Variants in DPH6 observed in about 807,000 individuals in gnomAD.
DPH6 encodes diphthamine biosynthesis 6.
A neutral mutation model predicts 38.2 loss-of-function variants in DPH6; 33 were observed. The observed-to-expected ratio is 0.86, with a 90% CI of 0.65 to 1.15. DPH6 has a LOEUF of 1.15. Among genes scored for constraint, DPH6 ranks in the 50% most tolerant of loss-of-function variants. DPH6 has a pLI of 0.00. For missense variants in DPH6, 325 were observed against 320.0 expected, an observed-to-expected ratio of 1.02 and a Z score of -0.12; for synonymous variants, 108 against 103.0, an observed-to-expected ratio of 1.05 and a Z score of -0.30.
chr15:35,162,916 C>T, the DPH6 span, among the ~76,000 whole-genome samples: 4 of 151,934 alleles, frequency 2.6e-5, no homozygotes, highest in Admixed American at 2.6e-4. Context: ...TGAGGGAACC[C>T]CATAAGCAAA....
intron 6 of DPH6, among the ~76,000 whole-genome samples, chr15:35,406,701 G>C (rs1201482644): frequency 6.6e-6 from 1 of 151,918 alleles, no homozygotes; most frequent in Admixed American, 6.6e-5. Flanking sequence ...CAGACAATGG[G>C]GCCAGCCCTT....
intron 3 of DPH6, among the ~76,000 whole-genome samples, chr15:35,351,332 T>A (rs1395699895): frequency 6.6e-6 from 1 of 152,176 alleles, no homozygotes; most frequent in Admixed American, 6.6e-5. Context: ...TATAGTTGGA[T>A]TGTGTTGTTT....
At chr15:35,361,785 C>G (rs991480214) in intron 3 of DPH6, among the ~76,000 whole-genome samples, 5 of 151,598 alleles carry the variant, frequency 3.3e-5, no homozygotes, top group African/African-American at 1.2e-4. Context: ...CCTTTTCATA[C>G]TTTCTATTCC....
the DPH6 span, among the ~76,000 whole-genome samples, chr15:35,153,101 G>A: frequency 1.3e-5 from 2 of 152,232 alleles, no homozygotes; most frequent in African/African-American, 4.8e-5. Context: ...TGAAAATTAT[G>A]TAAAATTAAA....
intron 3 of DPH6, among the ~76,000 whole-genome samples, chr15:35,493,370 T>C (rs1411937878): frequency 6.6e-6 from 1 of 152,172 alleles, no homozygotes; most frequent in African/African-American, 2.4e-5. Context: ...CCTTTACATA[T>C]GCTTGTAATG....
intron 3 of DPH6, among the ~76,000 whole-genome samples, chr15:35,335,697 T>C (rs1349995325): frequency 1.3e-5 from 2 of 152,160 alleles, no homozygotes; most frequent in East Asian, 1.9e-4. Flanking sequence ...TGATTGTATG[T>C]GTGCAGACTT....
intron 3 of DPH6, among the ~76,000 whole-genome samples, chr15:35,505,679 C>G (rs1260350999): frequency 6.6e-6 from 1 of 151,924 alleles, no homozygotes; most frequent in Non-Finnish European, 1.5e-5. Context: ...ACTTTTAATA[C>G]GTGTAATGAA....
intron 5 of DPH6, among the ~76,000 whole-genome samples, chr15:35,447,437 C>A (rs544621675): frequency 3.6e-5 from 5 of 139,066 alleles, no homozygotes; most frequent in Admixed American, 3.6e-4. Context: ...TCTTATACGT[C>A]CCCCCCCGCC....
At chr15:35,167,446 AAT>A in the DPH6 span, among the ~76,000 whole-genome samples, 1 of 151,922 alleles carries the variant, frequency 6.6e-6, no homozygotes, top group Non-Finnish European at 1.5e-5. Context: ...TTAAAAAAAA[AAT>A]GACAAAATTA....
intron 3 of DPH6, among the ~76,000 whole-genome samples, chr15:35,227,225 C>CCAGGCTG (rs2051488517): frequency 7.0e-6 from 1 of 142,104 alleles, no homozygotes; most frequent in Non-Finnish European, 1.5e-5. Context: ...GCTCTGTCAC[C>CCAGGCTG]CAGGCTGGAG....
chr15:35,541,686 A>C (rs1179674823), intron 2 of DPH6, among the ~76,000 whole-genome samples: 1 of 152,182 alleles, frequency 6.6e-6, no homozygotes, highest in Non-Finnish European at 1.5e-5. Context: ...CAAAAGTGCT[A>C]ATCTTTTTTC....
the DPH6 span, among the ~76,000 whole-genome samples, chr15:35,184,691 G>C: frequency 2.6e-5 from 4 of 152,116 alleles, no homozygotes; most frequent in Admixed American, 2.0e-4. Context: ...ATGCAACTAG[G>C]TTCCAAGGGT....
intron 4 of DPH6, among the ~76,000 whole-genome samples, chr15:35,451,768 T>C (rs2053936137): frequency 6.6e-6 from 1 of 152,184 alleles, no homozygotes; most frequent in African/African-American, 2.4e-5. Context: ...GCCAGCACTT[T>C]GGGAGGCCAA....
At chr15:35,187,595 A>C in the DPH6 span, among the ~76,000 whole-genome samples, 1 of 152,164 alleles carries the variant, frequency 6.6e-6, no homozygotes, top group South Asian at 2.1e-4. Context: ...TTGATTTAGT[A>C]TATTTTATAA....
intron 3 of DPH6, among the ~76,000 whole-genome samples, chr15:35,345,038 G>T (rs1456766415): frequency 6.6e-6 from 1 of 151,720 alleles, no homozygotes; most frequent in African/African-American, 2.4e-5. Context: ...AATCAAAGAT[G>T]TTAAAATATG....
At chr15:35,277,464 A>C (rs1277096318) in intron 3 of DPH6, among the ~76,000 whole-genome samples, 3 of 152,134 alleles carry the variant, frequency 2.0e-5, no homozygotes, top group African/African-American at 7.2e-5. Flanking sequence ...TCTTTAGAGT[A>C]AAGCAAGAAC....
chr15:35,507,961 T>C (rs1291457360), intron 3 of DPH6, among the ~76,000 whole-genome samples: 1 of 152,040 alleles, frequency 6.6e-6, no homozygotes, highest in Non-Finnish European at 1.5e-5. Flanking sequence ...TCCTAGAAAA[T>C]TGTCAGTATA....
intron 3 of DPH6, among the ~76,000 whole-genome samples, chr15:35,272,633 G>C (rs1036663660): frequency 6.6e-6 from 1 of 152,044 alleles, no homozygotes; most frequent in Non-Finnish European, 1.5e-5. Flanking sequence ...GTGGGGCCAG[G>C]CATGGTGGCT....
chr15:35,461,054 AC>A (rs1431532830), intron 3 of DPH6, among the ~76,000 whole-genome samples: 1 of 152,182 alleles, frequency 6.6e-6, no homozygotes, highest in Non-Finnish European at 1.5e-5. Context: ...TAGATGATCA[AC>A]CATGGTTCTC....
Sources: gnomAD v4.1 joint callset for allele counts (sites outside exome capture counted in the v4.1 genomes callset) on GRCh38, gnomAD v4.1.1 for gene constraint, MANE v1.5 for transcripts, NCBI Gene and HGNC (gene_info 2026-07-23, HGNC 2026-07-21) for gene names.